The following STAU2 variants were observed in gnomAD, a reference collection of about 807,000 sequenced individuals.
The protein encoded by STAU2 is double-stranded RNA-binding protein Staufen homolog 2.
STAU2 carries 20 observed loss-of-function variants against 65.9 expected under a neutral mutation model. That is an observed-to-expected ratio of 0.30 (90% CI 0.21 to 0.44). The LOEUF (loss-of-function observed/expected upper bound fraction) is 0.44. Among genes scored for constraint, STAU2 ranks in the 20% least tolerant of loss-of-function variants. The pLI is 1.00. For missense variants in STAU2, 558 were observed against 683.9 expected, an observed-to-expected ratio of 0.82 and a Z score of 2.05; for synonymous variants, 232 against 233.9, an observed-to-expected ratio of 0.99 and a Z score of 0.07.
chr8:73,632,852 C>T (rs186741711), intron 6 of STAU2, among the ~76,000 whole-genome samples: 106 of 152,246 alleles, frequency 7.0e-4, no homozygotes, highest in African/African-American at 2.5e-3. Context: ...TAAGTATATC[C>T]TGTTACTTCT....
At chr8:73,495,244 AG>A (rs1333131152) in intron 13 of STAU2, among the ~76,000 whole-genome samples, 1 of 151,572 alleles carries the variant, frequency 6.6e-6, no homozygotes, top group Admixed American at 6.6e-5. Context: ...GTCTCTCCAA[AG>A]GTATTTGGTA....
chr8:73,636,465 C>T (rs1168614672), intron 6 of STAU2, among the ~76,000 whole-genome samples: 1 of 152,016 alleles, frequency 6.6e-6, no homozygotes, highest in African/African-American at 2.4e-5. Context: ...GTCCAGAATA[C>T]AATCCAAAAT....
chr8:73,455,917 A>T (rs1017620700), intron 13 of STAU2, among the ~76,000 whole-genome samples: 3 of 152,218 alleles, frequency 2.0e-5, no homozygotes, highest in Non-Finnish European at 4.4e-5. Context: ...GGATGGACGG[A>T]CGGATGGATG....
chr8:73,667,421 C>G (rs559072217), intron 6 of STAU2, among the ~76,000 whole-genome samples: 1 of 152,292 alleles, frequency 6.6e-6, no homozygotes, highest in Non-Finnish European at 1.5e-5. Context: ...TCATTCCAGA[C>G]TTACCGAACT....
At chr8:73,455,981 G>A (rs1369527018) in intron 13 of STAU2, among the ~76,000 whole-genome samples, 1 of 152,172 alleles carries the variant, frequency 6.6e-6, no homozygotes, top group Non-Finnish European at 1.5e-5. Context: ...TTCACTGGCT[G>A]TTTTTAGAGT....
chr8:73,738,982 A>C (rs1806636393), intron 2 of STAU2, among the ~76,000 whole-genome samples: 1 of 152,312 alleles, frequency 6.6e-6, no homozygotes, highest in African/African-American at 2.4e-5. Flanking sequence ...TGGTAATCCC[A>C]GCATTTTGGG....
chr8:73,501,521 T>C (rs962998963), intron 13 of STAU2, among the ~76,000 whole-genome samples: 11 of 152,048 alleles, frequency 7.2e-5, no homozygotes, highest in African/African-American at 2.6e-4. Context: ...TTCACTTCTC[T>C]ATAAATCTTC....
In STAU2 at chr8:73,443,747, C is replaced by T. The variant is rs554661298; in HGVS notation, c.1531-21045G>A. ...CCTGTAGTCCTAGCTACTTGGGAGG[C>T]TAACGTGGGAGGATTGTTTGAGCCC... On this transcript the variant is annotated intron_variant, in intron 13 of 14. Coordinates refer to ENST00000524300, the MANE Select transcript of STAU2 (RefSeq NM_001164380.2). 1.1e-4 allele frequency among the ~76,000 whole-genome samples: 16 copies of T among 151,964 alleles called. No individual in the cohort carries two copies. The South Asian group carries it at 2.3e-3, about 22-fold the overall frequency.
chr8:73,551,686 T>C, intron 13 of STAU2: 1 of 1,016,284 alleles, frequency 9.8e-7, no homozygotes, highest in Admixed American at 5.8e-5. Context: ...GCAGAATTTT[T>C]GTTTGTGGAA....
At chr8:73,466,610 C>A (rs948786315) in intron 13 of STAU2, among the ~76,000 whole-genome samples, 1 of 152,206 alleles carries the variant, frequency 6.6e-6, no homozygotes, top group African/African-American at 2.4e-5. Flanking sequence ...GTTTCAAAGG[C>A]CTCTTGCCAT....
intron 13 of STAU2, among the ~76,000 whole-genome samples, chr8:73,535,700 G>A (rs1056016835): frequency 1.3e-5 from 2 of 152,056 alleles, no homozygotes; most frequent in East Asian, 1.9e-4. Flanking sequence ...ATTTACATAC[G>A]TAAAAGAAGC....
intron 6 of STAU2, among the ~76,000 whole-genome samples, chr8:73,623,008 A>C (rs1191461813): frequency 6.6e-6 from 1 of 152,230 alleles, no homozygotes; most frequent in Non-Finnish European, 1.5e-5. Flanking sequence ...TAGATCCCAA[A>C]CAAGTCTTGA....
intron 12 of STAU2, among the ~76,000 whole-genome samples, chr8:73,570,953 T>A (rs1809033911): frequency 6.6e-6 from 1 of 151,992 alleles, no homozygotes; most frequent in African/African-American, 2.4e-5. Context: ...AGACTGGCAG[T>A]TTGGATAAAG....
chr8:73,661,656 G>A (rs563150267), intron 6 of STAU2, among the ~76,000 whole-genome samples: 27 of 152,142 alleles, frequency 1.8e-4, no homozygotes, highest in African/African-American at 4.1e-4. Flanking sequence ...GATTAGTTTC[G>A]CCTATTCTAG....
chr8:73,473,515 A>G (rs1820149217), intron 13 of STAU2, among the ~76,000 whole-genome samples: 1 of 152,198 alleles, frequency 6.6e-6, no homozygotes, highest in Admixed American at 6.5e-5. Context: ...CAATGTGCAC[A>G]CTGGGCGTTT....
At chr8:73,635,899 A>C (rs1223364251) in intron 6 of STAU2, among the ~76,000 whole-genome samples, 1 of 131,832 alleles carries the variant, frequency 7.6e-6, no homozygotes. Context: ...TCTCTATCTG[A>C]CCCCTGAACC....
At position 73,709,095 on chromosome 8, in the gene STAU2, G is replaced by A. The variant is rs950811331; in HGVS notation, c.51C>T (p.Ala17=). The A allele has an allele frequency of 2.0e-6, 3 of 1,533,266 alleles. No individual in the cohort carries two copies. The highest frequency in any genetic ancestry group is 2.6e-6 in the Non-Finnish European group (3 of 1,144,830). 95.0% of individuals were successfully genotyped at this position (1,533,266 alleles called of 1,614,324 possible). Residue 17 remains alanine (A), a synonymous_variant, in exon 4 of 15, where the codon GCC becomes GCT. Transcript: ENST00000524300. ...ACTGGGGTTGGACTCTATTGAAACGGGCTAACTCATTTACCAGACACATTG... is the reference window on the plus strand; with the variant it reads ...ACTGGGGTTGGACTCTATTGAAACGAGCTAACTCATTTACCAGACACATTG... ...KTAMCLVNEL[A]RFNRVQPQYK...
In STAU2 at chr8:73,582,753, T is replaced by C. The variant is rs1406413218; in HGVS notation, c.1222+17A>G. Reference sequence around the variant, plus strand: ...TGATGAACACCAAGTGCAGACAACATAAAAATGAGAACTTACTATTATTTG... The same window carrying C: ...TGATGAACACCAAGTGCAGACAACACAAAAATGAGAACTTACTATTATTTG... On this transcript the variant is annotated intron_variant, in intron 12 of 14. Coordinates refer to ENST00000524300, the MANE Select transcript of STAU2 (RefSeq NM_001164380.2). 1.9e-6 allele frequency: 3 copies of C among 1,612,450 alleles called. No individual in the cohort carries two copies. In the South Asian group the frequency reaches 3.3e-5, roughly 18 times the overall value.
intron 6 of STAU2, chr8:73,652,992 C>T (rs1460932585): frequency 6.6e-6 from 1 of 151,956 alleles, no homozygotes; most frequent in Non-Finnish European, 1.5e-5. Context: ...CATCTTAGGG[C>T]GTAATTAAAG....
Sources: allele counts gnomAD v4.1 joint callset (sites outside exome capture counted in the v4.1 genomes callset), GRCh38; gene constraint gnomAD v4.1.1; transcripts MANE v1.5; gene names NCBI Gene and HGNC (gene_info 2026-07-23, HGNC 2026-07-21).